Variants in ZMYM5 observed in about 807,000 individuals in gnomAD.
The protein encoded by ZMYM5 is zinc finger MYM-type containing 5.
Under a neutral mutation model 61.8 loss-of-function variants are expected in ZMYM5, and 41 were observed. The ratio of observed to expected loss-of-function variants is 0.66; its 90% confidence interval spans 0.52 to 0.86. ZMYM5 has a LOEUF of 0.86. Among genes scored for constraint, ZMYM5 ranks in the 40% least tolerant of loss-of-function variants. The probability of loss-of-function intolerance (pLI) is 0.00; values close to 1 mark genes in which losing one functional copy is unlikely to be tolerated. For synonymous variants in ZMYM5, 257 were observed against 276.4 expected (o/e 0.93, Z 0.70); for missense variants, 706 against 786.7 (o/e 0.90, Z 1.23).
rs1334727923 is a variant in ZMYM5 at position 19,825,211 on chromosome 13, AT to A, written c.1275del (p.Lys425AsnfsTer2). On this transcript the variant is annotated frameshift_variant, in exon 8 of 8. Transcript: ENST00000337963. LOFTEE classifies it high-confidence loss of function. Reference protein sequence around the residue: ...YKQMMETKSKKLTASENRKRN... With the variant: ...YKQMMETKSKXLTASENRKRN... Reference sequence around the variant, plus strand: ...CTTTTTCTATTTTCTGATGCTGTTAATTTTTTTGATTTTGTTTCCATCATCT... The same window carrying A: ...CTTTTTCTATTTTCTGATGCTGTTAATTTTTTGATTTTGTTTCCATCATCT... The A allele has an allele frequency of 1.6e-6, 2 of 1,264,026 alleles. No homozygotes were observed. The highest frequency in any genetic ancestry group is 2.0e-6 in the Non-Finnish European group (2 of 977,306). 78.3% of individuals were successfully genotyped at this position (1,264,026 alleles called of 1,614,324 possible). A position where few individuals can be genotyped will look rare whatever the true frequency, so the allele number is the denominator to read the frequency against.
chr13:19,851,541 A>G (rs1219160284), intron 3 of ZMYM5, 93 bp from the exon 4 acceptor site: 2 of 1,557,142 alleles, frequency 1.3e-6, no homozygotes, highest in Non-Finnish European at 1.8e-6. Context: ...TTGGTATTCT[A>G]TAGTGATGTT....
At chr13:19,853,000 A>T (rs147455598) in intron 2 of ZMYM5, among the ~76,000 whole-genome samples, 1 of 152,204 alleles carries the variant, frequency 6.6e-6, no homozygotes, top group Non-Finnish European at 1.5e-5. Context: ...GGCTCTTGCC[A>T]TCACAGCCCA....
intron 7 of ZMYM5, among the ~76,000 whole-genome samples, chr13:19,826,706 A>G (rs1326311557): frequency 6.6e-6 from 1 of 151,372 alleles, no homozygotes; most frequent in African/African-American, 2.4e-5. Flanking sequence ...GTGAGCCAAG[A>G]TCTCGCCACT....
intron 4 of ZMYM5, among the ~76,000 whole-genome samples, chr13:19,849,536 C>G (rs898237027): frequency 6.6e-6 from 1 of 152,030 alleles, no homozygotes; most frequent in Non-Finnish European, 1.5e-5. Flanking sequence ...AGATTGAAAG[C>G]AAACAAACCA....
In ZMYM5 at chr13:19,851,995, AAACAC is replaced by A; in HGVS notation, c.181_185del (p.Val61TyrfsTer2). The A allele has an allele frequency of 1.2e-6, 2 of 1,614,028 alleles. No homozygotes were observed. The highest frequency in any genetic ancestry group is 1.1e-5 in the South Asian group (1 of 91,084). ...TTGAAGGAGGTTGTATAGATTCAAT[AAACAC>A]AACATCATCATCATCATCATCATCT... On this transcript the variant is annotated frameshift_variant, in exon 3 of 8. Coordinates refer to ENST00000337963, the MANE Select transcript of ZMYM5 (RefSeq NM_001142684.2). LOFTEE classifies it high-confidence loss of function.
In ZMYM5 at chr13:19,823,525, C is replaced by A. The variant is rs540569509; in HGVS notation, c.*952G>T. 1 of 151,930 alleles carries A rather than the reference C, an allele frequency of 6.6e-6. No homozygotes were observed. The highest frequency in any genetic ancestry group is 2.4e-5 in the African/African-American group (1 of 41,464). The allele number at this position is 151,930 out of a possible 1,614,324, so 9.4% of individuals were successfully genotyped here. A position where few individuals can be genotyped will look rare whatever the true frequency, so the allele number is the denominator to read the frequency against. On this transcript the variant is annotated 3_prime_UTR_variant, in exon 8 of 8. Transcript: ENST00000337963. ...ATTTTAATATTTTTTATATTTTTAT[C>A]AACATAAAATAGGTAAATATAGTTC...
intron 6 of ZMYM5, among the ~76,000 whole-genome samples, chr13:19,837,270 C>T (rs1319232119): frequency 1.3e-5 from 2 of 152,044 alleles, no homozygotes; most frequent in Admixed American, 6.6e-5. Context: ...CCACCTGCCT[C>T]GGCCTCCCAA....
intron 2 of ZMYM5, among the ~76,000 whole-genome samples, chr13:19,857,757 T>A (rs1953564823): frequency 6.6e-6 from 1 of 152,100 alleles, no homozygotes; most frequent in Non-Finnish European, 1.5e-5. Flanking sequence ...CTCATGCCTA[T>A]AATCTGAGCA....
At chr13:19,832,266 T>C (rs1418570552) in intron 7 of ZMYM5, among the ~76,000 whole-genome samples, 8 of 152,166 alleles carry the variant, frequency 5.3e-5, no homozygotes, top group Non-Finnish European at 1.0e-4. Context: ...GGTATTTCTC[T>C]GAAGCTTATG....
chr13:19,837,919 TTAATACTAGAAA>T, intron 5 of ZMYM5, 98 bp from the exon 6 acceptor site: 1 of 1,336,096 alleles, frequency 7.5e-7, no homozygotes. Context: ...TTCTTATGAT[TTAATACTAGAAA>T]TCAAGTATAA....
At chr13:19,839,550 A>G (rs1470283110) in intron 4 of ZMYM5, among the ~76,000 whole-genome samples, 3 of 151,384 alleles carry the variant, frequency 2.0e-5, no homozygotes, top group Non-Finnish European at 4.4e-5. Flanking sequence ...TTTTTTTTCT[A>G]TTTTTAGTAG....
intron 2 of ZMYM5, among the ~76,000 whole-genome samples, chr13:19,854,045 C>A (rs1953416812): frequency 6.6e-6 from 1 of 152,156 alleles, no homozygotes; most frequent in Non-Finnish European, 1.5e-5. Flanking sequence ...GAGTCTCACT[C>A]TATCGCCAGG....
chr13:19,844,678 G>A (rs1213771945), intron 4 of ZMYM5, among the ~76,000 whole-genome samples: 1 of 152,170 alleles, frequency 6.6e-6, no homozygotes, highest in Non-Finnish European at 1.5e-5. Flanking sequence ...CTGGAGTGCA[G>A]TGGCGCAATA....
chr13:19,855,930 G>C (rs1448570036), intron 2 of ZMYM5, among the ~76,000 whole-genome samples: 2 of 151,438 alleles, frequency 1.3e-5, no homozygotes. Context: ...GCAGGAGAAT[G>C]GTGTGAACCC....
intron 2 of ZMYM5, among the ~76,000 whole-genome samples, chr13:19,855,405 G>A (rs1405658710): frequency 6.6e-6 from 1 of 151,916 alleles, no homozygotes; most frequent in Non-Finnish European, 1.5e-5. Flanking sequence ...TGGGACTACA[G>A]GTGCCTGTCA....
At position 19,828,344 on chromosome 13, in the gene ZMYM5, C is replaced by T. The variant is rs890815704; in HGVS notation, c.1252-3109G>A. ...CAAAAATTAGCCAGGAGTGGTGGCG[C>T]GCACCTGTAATCCCAGCTACTCAGG... On this transcript the variant is annotated intron_variant, in intron 7 of 7. Coordinates refer to ENST00000337963, the MANE Select transcript of ZMYM5 (RefSeq NM_001142684.2). 4.0e-5 allele frequency among the ~76,000 whole-genome samples: 6 copies of T among 151,716 alleles called. 1 individual carries two copies. Among genetic ancestry groups the T allele is most frequent in the Middle Eastern group, 6.4e-3 (2 of 314 alleles).
intron 7 of ZMYM5, among the ~76,000 whole-genome samples, chr13:19,831,788 A>AG (rs1491163850): frequency 1.1e-4 from 3 of 27,130 alleles, no homozygotes; most frequent in Non-Finnish European, 3.3e-4. Context: ...ACTCTGTCTC[A>AG]AAAAAAAAAA....
intron 4 of ZMYM5, chr13:19,841,973 C>T (rs56023020): frequency 0.078 from 11,832 of 152,370 alleles, 481 homozygotes; most frequent in Middle Eastern, 0.13. Flanking sequence ...CCCACCACCA[C>T]GCCCAGCTAA....
chr13:19,845,114 C>G (rs1953031193), intron 4 of ZMYM5, among the ~76,000 whole-genome samples: 1 of 152,032 alleles, frequency 6.6e-6, no homozygotes, highest in Non-Finnish European at 1.5e-5. Context: ...GTAGAAACTA[C>G]CCCAAATAAC....
Sources: allele counts gnomAD v4.1 joint callset (sites outside exome capture counted in the v4.1 genomes callset), GRCh38; gene constraint gnomAD v4.1.1; transcripts MANE v1.5; gene names NCBI Gene and HGNC (gene_info 2026-07-23, HGNC 2026-07-21).